LHPP: variants seen among roughly 807,000 people sequenced by gnomAD.
LHPP encodes the protein hLHPP.
Under a neutral mutation model 30.3 loss-of-function variants are expected in LHPP, and 24 were observed. That is an observed-to-expected ratio of 0.79 (90% CI 0.57 to 1.11). The LOEUF is 1.11. LHPP is among the 50% of genes most tolerant of loss of function. LHPP has a pLI of 0.00. For synonymous variants in LHPP, 150 were observed against 157.1 expected (o/e 0.95, Z 0.34); for missense variants, 356 against 367.2 (o/e 0.97, Z 0.25).
chr10:124,585,810 T>G (rs923419376), intron 6 of LHPP, among the ~76,000 whole-genome samples: 45 of 151,836 alleles, frequency 3.0e-4, no homozygotes, highest in African/African-American at 1.0e-3. Context: ...TTTTTGGAGA[T>G]AGAGTCTTGC....
In LHPP at chr10:124,506,679, AGG is replaced by A. The variant is rs1284967710; in HGVS notation, c.624+8553_624+8554del. Among the ~76,000 whole-genome samples the A allele has an allele frequency of 6.5e-4, 58 of 89,052 alleles. 4 individuals carry two copies. Among genetic ancestry groups the A allele is most frequent in the Non-Finnish European group, 7.8e-4 (35 of 44,738 alleles). The allele number at this position is 89,052 out of a possible 152,430, so 58.4% of individuals were successfully genotyped here. A position where few individuals can be genotyped will look rare whatever the true frequency, so the allele number is the denominator to read the frequency against. On this transcript the variant is annotated intron_variant, in intron 5 of 6. Transcript: ENST00000368842. ...TAGGGAGGATTTCAGGTTGGGGGGT[AGG>A]GAAGATTTCAGGTTGGCGGGTAGGG...
chr10:124,494,062 T>A, intron 3 of LHPP, among the ~76,000 whole-genome samples: 1 of 152,226 alleles, frequency 6.6e-6, no homozygotes, highest in Admixed American at 6.5e-5. Context: ...GTGTTCTCCT[T>A]GGACTCTAAA....
At position 124,496,709 on chromosome 10, in the gene LHPP, G is replaced by A. The variant is rs1953720605; in HGVS notation, c.468-252G>A. Among the ~76,000 whole-genome samples the A allele has an allele frequency of 6.6e-6, 1 of 152,248 alleles. No individual in the cohort carries two copies. Among genetic ancestry groups the A allele is most frequent in the Admixed American group, 6.5e-5 (1 of 15,290 alleles). ...CCCACGAGTCTGACAGCAGGGTTGC[G>A]TTCTGTGCGACCTGTGGCATCCCTG... On this transcript the variant is annotated intron_variant, in intron 3 of 6. Transcript: ENST00000368842. The surrounding 1 kb of genome is among the most constrained non-coding windows in gnomAD (Gnocchi z 4.3).
chr10:124,588,941 T>C (rs1015990441), intron 6 of LHPP, among the ~76,000 whole-genome samples: 7 of 152,220 alleles, frequency 4.6e-5, no homozygotes, highest in East Asian at 1.9e-4. Context: ...GTCAGTTTCT[T>C]GACCAGCCAC....
At chr10:124,498,660 CTT>C (rs552228070) in intron 5 of LHPP, 33,092 of 336,476 alleles carry the variant, frequency 0.098, 229 homozygotes, top group East Asian at 0.19. Flanking sequence ...TTTTCTTTTT[CTT>C]TTTTTTTTTT....
intron 6 of LHPP, among the ~76,000 whole-genome samples, chr10:124,531,269 G>C (rs1954896534): frequency 6.6e-6 from 1 of 152,228 alleles, no homozygotes; most frequent in Admixed American, 6.5e-5. Context: ...CGTGCAAGCT[G>C]GGGTGTGGGC....
intron 6 of LHPP, among the ~76,000 whole-genome samples, chr10:124,564,959 A>G (rs1040020468): frequency 6.6e-6 from 1 of 152,234 alleles, no homozygotes; most frequent in Non-Finnish European, 1.5e-5. Context: ...GAGCTAAGCT[A>G]TGAAGACGCA....
At chr10:124,509,676 G>A (rs1954251709) in intron 5 of LHPP, among the ~76,000 whole-genome samples, 1 of 151,778 alleles carries the variant, frequency 6.6e-6, no homozygotes, top group South Asian at 2.1e-4. Context: ...CTCTGTGGGA[G>A]CCTGGGTTCC....
At chr10:124,568,540 G>C (rs1398146162) in intron 6 of LHPP, among the ~76,000 whole-genome samples, 1 of 152,218 alleles carries the variant, frequency 6.6e-6, no homozygotes, top group Non-Finnish European at 1.5e-5. Flanking sequence ...GTGGCGTGGA[G>C]AGGTGTGGCC....
At chr10:124,483,214 C>G (rs1264630499) in intron 1 of LHPP, among the ~76,000 whole-genome samples, 1 of 152,144 alleles carries the variant, frequency 6.6e-6, no homozygotes, top group African/African-American at 2.4e-5. Flanking sequence ...TGTTGGTGTC[C>G]CTGATGACTT....
intron 3 of LHPP, among the ~76,000 whole-genome samples, chr10:124,495,348 C>G (rs979022107): frequency 2.6e-5 from 4 of 152,224 alleles, no homozygotes; most frequent in African/African-American, 9.6e-5. Flanking sequence ...CTTCAACAAA[C>G]AGACTCCAAG....
chr10:124,589,585 T>C (rs2133999853), intron 6 of LHPP, among the ~76,000 whole-genome samples: 1 of 152,112 alleles, frequency 6.6e-6, no homozygotes, highest in African/African-American at 2.4e-5. Flanking sequence ...AGAGCAGGGG[T>C]CAGGCTCAGT....
chr10:124,464,854 T>C (rs1952512101), intron 1 of LHPP, among the ~76,000 whole-genome samples: 1 of 152,198 alleles, frequency 6.6e-6, no homozygotes, highest in South Asian at 2.1e-4. Flanking sequence ...CCTTGTCTCA[T>C]GCGTGAGAAA....
At chr10:124,561,067 G>T (rs1024030246) in intron 6 of LHPP, among the ~76,000 whole-genome samples, 1 of 152,192 alleles carries the variant, frequency 6.6e-6, no homozygotes, top group African/African-American at 2.4e-5. Flanking sequence ...AATTCCCTGG[G>T]TTTCCTTTGT....
chr10:124,593,386 G>A lies in LHPP; in HGVS notation c.717-19878G>A, dbSNP rs890415576. On this transcript the variant is annotated intron_variant, in intron 6 of 6. Transcript: ENST00000368842. The surrounding 1 kb of genome is among the most constrained non-coding windows in gnomAD (Gnocchi z 4.9). Reference sequence around the variant, plus strand: ...CCTCGGATGAGCATCTGCCCCTCCCGGGCCTCAGTTTCCACACCTGAGATG... The same window carrying A: ...CCTCGGATGAGCATCTGCCCCTCCCAGGCCTCAGTTTCCACACCTGAGATG... Among the ~76,000 whole-genome samples, 18 of 152,134 alleles carry A rather than the reference G, an allele frequency of 1.2e-4. No individual in the cohort carries two copies. The highest frequency in any genetic ancestry group is 3.4e-4 in the African/African-American group (14 of 41,430).
In LHPP at chr10:124,592,996, G is replaced by A. The variant is rs913576416; in HGVS notation, c.717-20268G>A. Among the ~76,000 whole-genome samples, 1 of 152,194 alleles carries A rather than the reference G, an allele frequency of 6.6e-6. No homozygotes were observed. Among genetic ancestry groups the A allele is most frequent in the Non-Finnish European group, 1.5e-5 (1 of 68,022 alleles). On this transcript the variant is annotated intron_variant, in intron 6 of 6. Coordinates refer to ENST00000368842, the MANE Select transcript of LHPP (RefSeq NM_022126.4). The surrounding 1 kb of genome is among the most constrained non-coding windows in gnomAD (Gnocchi z 6.2). ...CTTTGACAGTTTATGAGGTGATGAC[G>A]TTGCAGCTATGATTGATGAGGTGGC...
At chr10:124,509,062 T>C (rs1954235965) in intron 5 of LHPP, among the ~76,000 whole-genome samples, 1 of 152,170 alleles carries the variant, frequency 6.6e-6, no homozygotes, top group Non-Finnish European at 1.5e-5. Flanking sequence ...TGGTATCTGT[T>C]GTTGCCCTGT....
chr10:124,574,264 G>A (rs763816104), intron 6 of LHPP, among the ~76,000 whole-genome samples: 2 of 152,260 alleles, frequency 1.3e-5, no homozygotes, highest in Non-Finnish European at 2.9e-5. Flanking sequence ...GCAGCGTGGC[G>A]CTGAGGGGCA....
chr10:124,610,934 G>GCTGATGGAGC, intron 6 of LHPP, among the ~76,000 whole-genome samples: 1 of 116,600 alleles, frequency 8.6e-6, no homozygotes, highest in African/African-American at 3.6e-5. Flanking sequence ...GGGCGAGGGT[G>GCTGATGGAGC]AGGGTGAGGG....
Sources: allele counts gnomAD v4.1 joint callset (sites outside exome capture counted in the v4.1 genomes callset), GRCh38; gene constraint gnomAD v4.1.1; non-coding constraint Gnocchi (gnomAD v3.1); transcripts MANE v1.5; gene names NCBI Gene and HGNC (gene_info 2026-07-23, HGNC 2026-07-21).